Variants in MUC3A observed in about 807,000 individuals in gnomAD.
The protein encoded by MUC3A is mucin-3A.
MUC3A carries 109 observed loss-of-function variants against 109.0 expected under a neutral mutation model. The ratio of observed to expected loss-of-function variants is 1.00; its 90% CI spans 0.86 to 1.17. The LOEUF is 1.17. Among genes scored for constraint, MUC3A ranks in the 50% most tolerant of loss-of-function variants. The pLI is 0.00. For missense variants in MUC3A, 3,537 were observed against 2,469.4 expected (o/e 1.43, Z -9.16); for synonymous variants, 1,398 against 981.4 (o/e 1.42, Z -7.93).
At chr7:100,962,503 C>A (rs1363462905) in intron 3 of MUC3A, among the ~76,000 whole-genome samples, 6 of 152,424 alleles carry the variant, frequency 3.9e-5, no homozygotes, top group African/African-American at 1.4e-4. Flanking sequence ...AGCATAGTCA[C>A]AGTTCTGGGG....
At chr7:100,963,910 T>C (rs1554459882) in intron 5 of MUC3A, 158 bp downstream of exon 5, 3 of 1,035,376 alleles carry the variant, frequency 2.9e-6, no homozygotes, top group Non-Finnish European at 2.8e-6. Flanking sequence ...CGGATCGTTT[T>C]CTGGGGCCAT....
chr7:100,966,993 C>G, intron 11 of MUC3A, 42 bp downstream of exon 11: 1 of 1,598,548 alleles, frequency 6.3e-7, no homozygotes, highest in Non-Finnish European at 8.5e-7. Context: ...CTCTCCCAGC[C>G]TCCATTCCAG....
intron 7 of MUC3A, 83 bp downstream of exon 7, chr7:100,965,430 G>T (rs2116223944): frequency 5.2e-6 from 8 of 1,547,754 alleles, no homozygotes; most frequent in Middle Eastern, 3.3e-4. Context: ...AAGCCTGTGG[G>T]CAGGGAGAGA....
rs1792150166 is a variant in MUC3A, at chr7:100,958,124, C to A, written c.6345C>A (p.Thr2115=). ...CTCCCAGCTTCACTTCCTCAATCAC[C>A]ACCTCTGAGATGCCCTCACACAGTA... The part of the protein sequence containing the change: ...HSTPSFTSSI[T]TSEMPSHSTP... Residue 2115 remains threonine (T), a synonymous_variant, in exon 2 of 12, where the codon ACC becomes ACA. Transcript: ENST00000379458. 1 of 1,183,280 alleles carries A rather than the reference C, an allele frequency of 8.5e-7. No homozygotes were observed. Among genetic ancestry groups the A allele is most frequent in the Non-Finnish European group, 1.1e-6 (1 of 871,980 alleles). 73.3% of individuals were successfully genotyped at this position (1,183,280 alleles called of 1,614,324 possible).
At chr7:100,964,127 G>A (rs1346664866) in intron 5 of MUC3A, 17 of 396,914 alleles carry the variant, frequency 4.3e-5, no homozygotes, top group Admixed American at 4.1e-4. Context: ...GGTGGATGAT[G>A]GCTTGATGCA....
Position 100,956,957 on chromosome 7 carries a change from G to C in MUC3A, c.5178G>C (p.Gln1726His). 1 of 422,836 alleles carries C rather than the reference G, an allele frequency of 2.4e-6. No homozygotes were observed. The highest frequency in any genetic ancestry group is 3.5e-5 in the East Asian group (1 of 28,498). The allele number at this position is 422,836 out of a possible 1,614,324, so 26.2% of individuals were successfully genotyped here. A position where few individuals can be genotyped will look rare whatever the true frequency, so the allele number is the denominator to read the frequency against. Reference sequence around the variant, plus strand: ...CTGTAGCAACTACAGGCACAGGTCAGACTACATTCACCAGTTCAACAGCCA... The same window carrying C: ...CTGTAGCAACTACAGGCACAGGTCACACTACATTCACCAGTTCAACAGCCA... The part of the protein sequence containing the change: ...SSTVATTGTG[Q>H]TTFTSSTATS... Residue 1726 changes from glutamine to histidine, a missense_variant, in exon 2 of 12, where the codon CAG (glutamine) becomes CAC (histidine). Gln to His is a conservative substitution (Grantham distance 24). Coordinates refer to ENST00000379458, the MANE Select transcript of MUC3A (RefSeq NM_005960.2).
In MUC3A at chr7:100,965,847, A is replaced by G. The variant is rs754655082; in HGVS notation, c.9592A>G (p.Thr3198Ala). The G allele has an allele frequency of 1.9e-6, 3 of 1,594,966 alleles. No individual in the cohort carries two copies. The highest frequency in any genetic ancestry group is 1.7e-6 in the Non-Finnish European group (2 of 1,177,514). ...DCHQGQCVLE[T>A]SGPTCRCYST... ...TCACCAGGGCCAGTGCGTTCTGGAG[A>G]CGAGCGGTCCCACGTGTCGGTAAGG... Residue 3198 changes from threonine (T) to alanine (A), a missense_variant, in exon 8 of 12, where the codon ACG becomes GCG. Physicochemically the swap from Thr to Ala is moderately conservative, Grantham distance 58 (BLOSUM62 0). Transcript: ENST00000379458.
intron 6 of MUC3A, 118 bp from the exon 7 acceptor site, chr7:100,965,164 C>CCG (rs1792485664): frequency 6.9e-7 from 1 of 1,443,466 alleles, no homozygotes; most frequent in African/African-American, 1.5e-5. Context: ...GAGGGCTCTC[C>CCG]CAGACGGAGA....
chr7:100,959,978 C>T lies in MUC3A; in HGVS notation c.8199C>T (p.Leu2733=). The T allele has an allele frequency of 2.0e-6, 3 of 1,507,736 alleles. No individual in the cohort carries two copies. The highest frequency in any genetic ancestry group is 2.6e-6 in the Non-Finnish European group (3 of 1,139,332). 93.4% of individuals were successfully genotyped at this position (1,507,736 alleles called of 1,614,324 possible). ...GSASITGFPS[L]SSSATTSTSS... ...CTTCTATCACAGGCTTTCCTAGTCTCTCTTCCTCTGCAACTACCAGCACTT... is the reference window on the plus strand; with the variant it reads ...CTTCTATCACAGGCTTTCCTAGTCTTTCTTCCTCTGCAACTACCAGCACTT... The change falls in exon 2 of 12, where the codon CTC becomes CTT. Residue 2733 remains leucine (L), a synonymous_variant. Coordinates refer to ENST00000379458, the MANE Select transcript of MUC3A (RefSeq NM_005960.2).
At position 100,959,123 on chromosome 7, in the gene MUC3A, C is replaced by G. The variant is rs200701965; in HGVS notation, c.7344C>G (p.Ile2448Met). 944 of 1,598,182 alleles carry G rather than the reference C, an allele frequency of 5.9e-4. 2 individuals are homozygous for G. The highest frequency in any genetic ancestry group is 2.4e-3 in the Admixed American group (145 of 60,008). The change falls in exon 2 of 12, where the codon ATC (isoleucine) becomes ATG (methionine). Residue 2448 changes from isoleucine (I) to methionine (M), a missense_variant. Ile to Met is a conservative substitution (Grantham distance 10). Coordinates refer to ENST00000379458, the MANE Select transcript of MUC3A (RefSeq NM_005960.2). ...CTCCCAGCCTCAGTTCTTCAACCAT[C>G]TACTCCACAGTCAGCACATCCACAA... ...ESTPSLSSST[I>M]YSTVSTSTTA...
In MUC3A at chr7:100,952,807, C is replaced by T. The variant is rs776762595; in HGVS notation, c.1028C>T (p.Thr343Ile). 2 of 1,543,248 alleles carry T rather than the reference C, an allele frequency of 1.3e-6. No individual in the cohort carries two copies. The highest frequency in any genetic ancestry group is 2.3e-5 in the South Asian group (2 of 85,546). Reference protein sequence around the residue: ...ETTYTTSPTSTVTDSTTKIAY... With the variant: ...ETTYTTSPTSIVTDSTTKIAY... ...ACCTACACTACTTCTCCCACCAGCA[C>T]TGTCACAGACTCCACTACCAAAATC... Residue 343 changes from threonine to isoleucine, a missense_variant, in exon 2 of 12, where the codon ACT becomes ATT. By Grantham distance (89) the Thr-to-Ile change is moderately conservative. Coordinates refer to ENST00000379458, the MANE Select transcript of MUC3A (RefSeq NM_005960.2).
chr7:100,965,637 G>A (rs74929976), intron 7 of MUC3A, 67 bp from the exon 8 acceptor site: 1,312,894 of 1,533,874 alleles, frequency 0.86, 545,957 homozygotes, highest in East Asian at 1. Flanking sequence ...CAGAGGCACC[G>A]TTATCAGGCC....
rs774193421 is a variant in MUC3A at position 100,952,116 on chromosome 7, G to A, written c.337G>A (p.Glu113Lys). The A allele has an allele frequency of 6.3e-7, 1 of 1,598,612 alleles. No individual in the cohort carries two copies. Residue 113 changes from glutamate (E) to lysine (K), a missense_variant, in exon 2 of 12, where the codon GAA becomes AAA. Glu to Lys is a moderately conservative substitution (Grantham distance 56). Coordinates refer to ENST00000379458, the MANE Select transcript of MUC3A (RefSeq NM_005960.2). ...GACGTCCAAGTTTGCCTTCAAGGTT[G>A]AAACCACTCCACCCACCGTGTTGGT... ...TPTSKFAFKVETTPPTVLVYS... is the reference protein window; with the variant it reads ...TPTSKFAFKVKTTPPTVLVYS...
intron 5 of MUC3A, chr7:100,964,100 C>T (rs1350374213): frequency 1.1e-5 from 5 of 470,566 alleles, no homozygotes; most frequent in East Asian, 3.9e-5. Flanking sequence ...GGAGAGAACG[C>T]ACGTCTAGGG....
chr7:100,965,546 GC>G (rs1554460731), intron 7 of MUC3A, 157 bp from the exon 8 acceptor site: 1 of 1,417,310 alleles, frequency 7.1e-7, no homozygotes, highest in Non-Finnish European at 9.4e-7. Flanking sequence ...TGAGGGTGCT[GC>G]GGGTGGCCTC....
Position 100,965,343 on chromosome 7 carries a change from G to A in MUC3A, c.9444G>A (p.Pro3148=), listed in dbSNP as rs779943825. 1.2e-5 allele frequency: 19 copies of A among 1,598,320 alleles called. No homozygotes were observed. In the South Asian group the frequency reaches 1.2e-4, roughly 10 times the overall value. The change falls in exon 7 of 12, where the codon CCG becomes CCA. Residue 3148 remains proline (P), a synonymous_variant. Transcript: ENST00000379458. ...VNNNSKTELT[P]AAICRRAAPT... ...ACAACAGCAAGACAGAGCTGACCCC[G>A]GCAGGTAAGGGTGGGGTAAAGGGCT... is the stretch of plus-strand genomic sequence containing the variant.
chr7:100,965,499 C>T (rs1163950856), intron 7 of MUC3A, 152 bp downstream of exon 7: 4 of 1,439,670 alleles, frequency 2.8e-6, no homozygotes, highest in African/African-American at 2.8e-5. Flanking sequence ...TGGTTAGTGG[C>T]TTCCACCTGA....
At position 100,959,775 on chromosome 7, in the gene MUC3A, G is replaced by T; in HGVS notation, c.7996G>T (p.Gly2666Ter). The change falls in exon 2 of 12, where the codon GGA becomes TGA. Residue 2666 changes from glycine (G) to a stop codon, truncating the protein, a stop_gained. Transcript: ENST00000379458. LOFTEE classifies it high-confidence loss of function. ...SEFTTESFTR[G>*]STSTNAILTS... ...GTTCACTACAGAATCTTTCACTAGG[G>T]GAAGTACGTCTACAAATGCAATCTT... 1.9e-6 allele frequency: 3 copies of T among 1,597,662 alleles called. No individual in the cohort carries two copies. Among genetic ancestry groups the T allele is most frequent in the Non-Finnish European group, 2.5e-6 (3 of 1,179,374 alleles).
Position 100,967,455 on chromosome 7 carries a change from C to T in MUC3A, c.*293C>T, listed in dbSNP as rs587761694. On this transcript the variant is annotated 3_prime_UTR_variant, in exon 12 of 12. Coordinates refer to ENST00000379458, the MANE Select transcript of MUC3A (RefSeq NM_005960.2). ...TACAGCATTCCTGTATGATAGCTCA[C>T]GCCGTTGTTGTGAAAACCACATAGA... The T allele has an allele frequency of 1.4e-5, 8 of 584,642 alleles. No homozygotes were observed. The highest frequency in any genetic ancestry group is 4.5e-4 in the Middle Eastern group (1 of 2,244). 36.2% of individuals were successfully genotyped at this position (584,642 alleles called of 1,614,324 possible).
Sources: gnomAD v4.1 joint callset for allele counts (sites outside exome capture counted in the v4.1 genomes callset) on GRCh38, gnomAD v4.1.1 for gene constraint, MANE v1.5 for transcripts, NCBI Gene and HGNC (gene_info 2026-07-23, HGNC 2026-07-21) for gene names.